DTNB: variants seen among roughly 807,000 people sequenced by gnomAD.
DTNB encodes the protein DTN-B.
A neutral mutation model predicts 90.7 loss-of-function variants in DTNB; 63 were observed. That is an observed-to-expected ratio of 0.69 (90% confidence interval 0.57 to 0.86). The LOEUF (loss-of-function observed/expected upper bound fraction) is 0.86, where lower values mean the gene tolerates loss of function less well. Ranked by LOEUF, DTNB falls within the 40% of genes least tolerant of loss-of-function variation. The pLI, the probability that DTNB is intolerant of heterozygous loss-of-function variation, is 0.00. For synonymous variants in DTNB, 277 were observed against 286.7 expected (o/e 0.97, Z 0.34); for missense variants, 744 against 807.1 (o/e 0.92, Z 0.95).
intron 10 of DTNB, among the ~76,000 whole-genome samples, chr2:25,481,371 C>G (rs2064916011): frequency 6.6e-6 from 1 of 150,552 alleles, no homozygotes; most frequent in African/African-American, 2.4e-5. Context: ...GGCCACTGCA[C>G]TCCAGCCTGG....
At chr2:25,671,458 C>A (rs903131573) in intron 1 of DTNB, among the ~76,000 whole-genome samples, 1 of 152,226 alleles carries the variant, frequency 6.6e-6, no homozygotes, top group African/African-American at 2.4e-5. Flanking sequence ...CAACAAGAGA[C>A]CTGCTGGCTG....
chr2:25,647,603 G>A (rs991563598), intron 2 of DTNB, among the ~76,000 whole-genome samples: 2 of 152,002 alleles, frequency 1.3e-5, no homozygotes, highest in Non-Finnish European at 2.9e-5. Flanking sequence ...AGCCAGGTGC[G>A]GTGGCCCACG....
intron 8 of DTNB, among the ~76,000 whole-genome samples, chr2:25,564,106 T>C (rs1167024426): frequency 1.3e-5 from 2 of 152,136 alleles, no homozygotes; most frequent in Non-Finnish European, 2.9e-5. Context: ...TTTCACCGTG[T>C]TAGCCAGGAT....
At chr2:25,508,983 G>A (rs1489738665) in intron 9 of DTNB, among the ~76,000 whole-genome samples, 1 of 152,110 alleles carries the variant, frequency 6.6e-6, no homozygotes, top group African/African-American at 2.4e-5. Flanking sequence ...CTAATATACA[G>A]AAATGCCACT....
chr2:25,399,111 C>T (rs763844688), intron 16 of DTNB, among the ~76,000 whole-genome samples: 41 of 152,106 alleles, frequency 2.7e-4, no homozygotes, highest in Admixed American at 6.5e-4. Flanking sequence ...TGCAGTGGCG[C>T]GATCTCGGCT....
intron 10 of DTNB, among the ~76,000 whole-genome samples, chr2:25,461,858 A>G (rs148072165): frequency 3.4e-4 from 52 of 152,340 alleles, no homozygotes; most frequent in Admixed American, 9.1e-4. Context: ...ATTTTATCCA[A>G]TCAGGGAGAT....
chr2:25,480,953 G>C (rs2064810701), intron 10 of DTNB, among the ~76,000 whole-genome samples: 2 of 152,086 alleles, frequency 1.3e-5, no homozygotes, highest in Admixed American at 6.5e-5. Context: ...TTCCTTTCCT[G>C]CTTGAGAGGG....
chr2:25,526,408 T>TTTTTTAATTGAGACAG (rs2077197744), intron 9 of DTNB, among the ~76,000 whole-genome samples: 1 of 137,230 alleles, frequency 7.3e-6, no homozygotes, highest in Non-Finnish European at 1.6e-5. Flanking sequence ...TTTTTTTTTT[T>TTTTTTAATTGAGACAG]AATTGAGACA....
At chr2:25,443,437 T>C (rs545087092) in intron 12 of DTNB, among the ~76,000 whole-genome samples, 28 of 152,304 alleles carry the variant, frequency 1.8e-4, no homozygotes, top group Admixed American at 1.6e-3. Flanking sequence ...GGGCAAATGT[T>C]ATAAAACCAA....
At chr2:25,471,101 G>A (rs376042878) in intron 10 of DTNB, among the ~76,000 whole-genome samples, 1 of 152,132 alleles carries the variant, frequency 6.6e-6, no homozygotes, top group African/African-American at 2.4e-5. Context: ...GTGTGCCTTC[G>A]CTGTATTACA....
At chr2:25,665,946 T>C (rs2084339188) in intron 1 of DTNB, among the ~76,000 whole-genome samples, 1 of 152,150 alleles carries the variant, frequency 6.6e-6, no homozygotes, top group African/African-American at 2.4e-5. Flanking sequence ...CTGTGGTAAC[T>C]CTTAAATCAA....
intron 9 of DTNB, among the ~76,000 whole-genome samples, chr2:25,509,183 T>C (rs554705586): frequency 3.3e-5 from 5 of 152,318 alleles, no homozygotes; most frequent in African/African-American, 1.2e-4. Context: ...CTAGCTAGGA[T>C]CACTAGTAAA....
At chr2:25,423,780 C>T (rs1034471366) in intron 15 of DTNB, among the ~76,000 whole-genome samples, 4 of 151,986 alleles carry the variant, frequency 2.6e-5, no homozygotes, top group Admixed American at 1.3e-4. Flanking sequence ...CTGTCTCAGC[C>T]TCCCAAGTAG....
At chr2:25,395,388 T>A (rs191064785) in intron 16 of DTNB, among the ~76,000 whole-genome samples, 139 of 151,916 alleles carry the variant, frequency 9.1e-4, no homozygotes, top group African/African-American at 3.1e-3. Flanking sequence ...ATAAAAAAAT[T>A]AAAAAATTTA....
chr2:25,611,204 G>C (rs560494340), intron 4 of DTNB, among the ~76,000 whole-genome samples: 1 of 152,150 alleles, frequency 6.6e-6, no homozygotes, highest in African/African-American at 2.4e-5. Context: ...TGAATATACT[G>C]CATTTTATCC....
At chr2:25,654,890 C>T (rs1415662698) in intron 1 of DTNB, among the ~76,000 whole-genome samples, 3 of 152,216 alleles carry the variant, frequency 2.0e-5, no homozygotes, top group Admixed American at 2.0e-4. Flanking sequence ...TGAGGACTCA[C>T]AGCAAATGCC....
At chr2:25,636,994 A>G (rs1189727362) in intron 3 of DTNB, among the ~76,000 whole-genome samples, 3 of 152,036 alleles carry the variant, frequency 2.0e-5, no homozygotes, top group Non-Finnish European at 4.4e-5. Context: ...TTTGCCCAAG[A>G]TTATTTGTTT....
intron 8 of DTNB, among the ~76,000 whole-genome samples, chr2:25,557,022 G>A (rs1382435898): frequency 2.0e-5 from 3 of 152,178 alleles, no homozygotes; most frequent in African/African-American, 7.2e-5. Context: ...ATTAGAAGTT[G>A]CTTCTCGAAT....
At chr2:25,640,585 T>C (rs1389635778) in intron 2 of DTNB, among the ~76,000 whole-genome samples, 1 of 152,186 alleles carries the variant, frequency 6.6e-6, no homozygotes, top group Non-Finnish European at 1.5e-5. Context: ...CAGTCCCACT[T>C]TCTCTTTTTA....
Sources: gnomAD v4.1 joint callset for allele counts (sites outside exome capture counted in the v4.1 genomes callset) on GRCh38, gnomAD v4.1.1 for gene constraint, MANE v1.5 for transcripts, NCBI Gene and HGNC (gene_info 2026-07-23, HGNC 2026-07-21) for gene names.